The following MEMO1 variants were observed in gnomAD, a reference collection of about 807,000 sequenced individuals.
MEMO1 encodes protein MEMO1.
Under a neutral mutation model 45.2 loss-of-function variants are expected in MEMO1, and 6 were observed. The ratio of observed to expected loss-of-function variants is 0.13; its 90% CI spans 0.07 to 0.26. The LOEUF is 0.26. Among genes scored for constraint, MEMO1 ranks in the 10% least tolerant of loss-of-function variants. MEMO1 has a pLI of 1.00. For synonymous variants in MEMO1, 78 were observed against 124.3 expected (o/e 0.63, Z 2.48); for missense variants, 184 against 370.5 (o/e 0.50, Z 4.13).
intron 6 of MEMO1, among the ~76,000 whole-genome samples, chr2:31,898,323 G>A (rs1258735081): frequency 2.0e-5 from 3 of 151,982 alleles, no homozygotes; most frequent in Non-Finnish European, 2.9e-5. Context: ...GTCGATTTTA[G>A]ATCTCTCCCT....
At chr2:31,963,317 T>C (rs1558536630) in intron 2 of MEMO1, 4 of 1,437,450 alleles carry the variant, frequency 2.8e-6, no homozygotes, top group Non-Finnish European at 2.8e-6. Context: ...TAGATATAGA[T>C]ACAAATATAG....
chr2:31,971,863 G>A (rs554939914), intron 2 of MEMO1, among the ~76,000 whole-genome samples: 4 of 152,070 alleles, frequency 2.6e-5, no homozygotes, highest in African/African-American at 2.4e-5. Flanking sequence ...CCAGCTGCTC[G>A]GGAGGCTGAG....
intron 2 of MEMO1, among the ~76,000 whole-genome samples, chr2:31,948,883 C>T (rs1040364549): frequency 6.6e-6 from 1 of 152,106 alleles, no homozygotes; most frequent in Non-Finnish European, 1.5e-5. Context: ...CATCAATAAC[C>T]AGAATACACA....
intron 2 of MEMO1, among the ~76,000 whole-genome samples, chr2:31,962,412 GAA>G (rs765628803): frequency 1.1e-4 from 16 of 152,010 alleles, no homozygotes; most frequent in Non-Finnish European, 1.9e-4. Context: ...AGAAAAGAAA[GAA>G]GAGAGAGAGA....
intron 6 of MEMO1, among the ~76,000 whole-genome samples, chr2:31,913,517 GT>G (rs5830218): frequency 0.15 from 19,717 of 135,918 alleles, 1,352 homozygotes; most frequent in Middle Eastern, 0.27. Flanking sequence ...ATGATTAAGA[GT>G]TTTTTTTTTT....
chr2:31,895,988 C>T (rs1035780665), intron 6 of MEMO1, among the ~76,000 whole-genome samples: 15 of 151,366 alleles, frequency 9.9e-5, no homozygotes, highest in South Asian at 6.3e-4. Flanking sequence ...GGACTACAGG[C>T]GCCCGCCACC....
chr2:31,870,750 G>T (rs1461013406), intron 8 of MEMO1, among the ~76,000 whole-genome samples: 1 of 152,030 alleles, frequency 6.6e-6, no homozygotes, highest in Non-Finnish European at 1.5e-5. Flanking sequence ...GCTAATTTTT[G>T]TATTTTTAGT....
chr2:32,000,917 C>G, intron 2 of MEMO1, among the ~76,000 whole-genome samples: 1 of 152,064 alleles, frequency 6.6e-6, no homozygotes, highest in Non-Finnish European at 1.5e-5. Flanking sequence ...CTGTTTCATC[C>G]CCTGCTATAC....
chr2:31,906,617 C>T (rs140802963), intron 6 of MEMO1, among the ~76,000 whole-genome samples: 1 of 152,310 alleles, frequency 6.6e-6, no homozygotes, highest in African/African-American at 2.4e-5. Context: ...GCCATCGCAC[C>T]CAGCCTAGGA....
At chr2:31,953,084 T>C (rs1364352746) in intron 2 of MEMO1, among the ~76,000 whole-genome samples, 1 of 152,160 alleles carries the variant, frequency 6.6e-6, no homozygotes, top group East Asian at 1.9e-4. Context: ...TTAAGATTAT[T>C]TCTGGCCGGC....
intron 8 of MEMO1, among the ~76,000 whole-genome samples, chr2:31,881,583 T>TA (rs1215155724): frequency 6.6e-6 from 1 of 150,936 alleles, no homozygotes; most frequent in African/African-American, 2.4e-5. Flanking sequence ...TAAGAATTTG[T>TA]AAAAAGAGCA....
At chr2:31,903,318 G>C (rs1679144636) in intron 6 of MEMO1, among the ~76,000 whole-genome samples, 1 of 147,402 alleles carries the variant, frequency 6.8e-6, no homozygotes, top group African/African-American at 2.5e-5. Flanking sequence ...AGAAGGGACA[G>C]GATCCTTACC....
intron 6 of MEMO1, among the ~76,000 whole-genome samples, chr2:31,917,607 AATT>A (rs1245253407): frequency 2.0e-5 from 3 of 152,222 alleles, no homozygotes; most frequent in Non-Finnish European, 4.4e-5. Flanking sequence ...AAAAGAATGT[AATT>A]ATTATTCTGA....
chr2:31,875,020 T>A (rs909763821), intron 8 of MEMO1, among the ~76,000 whole-genome samples: 5 of 151,960 alleles, frequency 3.3e-5, no homozygotes, highest in African/African-American at 1.2e-4. Flanking sequence ...ACTCCCAGAA[T>A]TGACTTATAA....
At chr2:31,953,219 C>A (rs1349063194) in intron 2 of MEMO1, among the ~76,000 whole-genome samples, 1 of 151,850 alleles carries the variant, frequency 6.6e-6, no homozygotes, top group South Asian at 2.1e-4. Flanking sequence ...CTACAAAATT[C>A]ACTGGGCATG....
chr2:31,906,963 A>C (rs1679843157), intron 6 of MEMO1, among the ~76,000 whole-genome samples: 2 of 152,242 alleles, frequency 1.3e-5, no homozygotes, highest in Non-Finnish European at 2.9e-5. Context: ...CAGACAAAAA[A>C]CATCTACAAA....
intron 6 of MEMO1, among the ~76,000 whole-genome samples, chr2:31,896,323 T>C (rs1157056922): frequency 6.6e-6 from 1 of 152,188 alleles, no homozygotes; most frequent in Non-Finnish European, 1.5e-5. Context: ...CCTAGAACTA[T>C]AAGAGCTAAA....
chr2:31,919,610 GGAGTTCAA>G (rs1190155561), intron 5 of MEMO1, among the ~76,000 whole-genome samples: 1 of 152,072 alleles, frequency 6.6e-6, no homozygotes, highest in East Asian at 1.9e-4. Context: ...CTTGAGACCA[GGAGTTCAA>G]GATCAGCCTG....
At chr2:31,920,318 A>G (rs1682130870) in intron 5 of MEMO1, among the ~76,000 whole-genome samples, 1 of 152,108 alleles carries the variant, frequency 6.6e-6, no homozygotes, top group Non-Finnish European at 1.5e-5. Context: ...AATAAAATAT[A>G]TTTATCATTT....
Sources: gnomAD v4.1 joint callset for allele counts (sites outside exome capture counted in the v4.1 genomes callset) on GRCh38, gnomAD v4.1.1 for gene constraint, MANE v1.5 for transcripts, NCBI Gene and HGNC (gene_info 2026-07-23, HGNC 2026-07-21) for gene names.